The following KCNN2 variants were observed in gnomAD, a reference collection of about 807,000 sequenced individuals.
KCNN2 encodes small conductance calcium-activated potassium channel protein 2.
A neutral mutation model predicts 55.5 loss-of-function variants in KCNN2; 24 were observed. The ratio of observed to expected loss-of-function variants is 0.43; its 90% CI spans 0.31 to 0.61. KCNN2 has a LOEUF of 0.61. KCNN2 is among the 20% of genes least tolerant of loss of function. The pLI is 0.08. For missense variants in KCNN2, 754 were observed against 853.6 expected, an observed-to-expected ratio of 0.88 and a Z score of 1.45; for synonymous variants, 431 against 336.1, an observed-to-expected ratio of 1.28 and a Z score of -3.09.
chr5:114,467,196 C>G (rs1014514769), intron 4 of KCNN2, among the ~76,000 whole-genome samples: 51 of 152,060 alleles, frequency 3.4e-4, no homozygotes, highest in African/African-American at 1.2e-3. Context: ...AGAGGGTGTT[C>G]CAAAACAGCA....
Position 114,273,996 on chromosome 5 carries a change from C to T in KCNN2, c.-185+52431C>T, listed in dbSNP as rs202025702. On this transcript the variant is annotated intron_variant, in intron 2 of 10. Coordinates refer to the KCNN2 transcript ENST00000512097. Reference sequence around the variant, plus strand: ...AGAACTTATGTTTAAGTCTTTAATCCATCTTGAGTTAATTTTTGTATAAGG... The same window carrying T: ...AGAACTTATGTTTAAGTCTTTAATCTATCTTGAGTTAATTTTTGTATAAGG... Among the ~76,000 whole-genome samples the T allele has an allele frequency of 6.6e-5, 10 of 152,088 alleles. No individual in the cohort carries two copies. The East Asian group carries it at 1.9e-3, about 29-fold the overall frequency.
At chr5:114,261,769 A>G (rs1755113667) in intron 2 of KCNN2, among the ~76,000 whole-genome samples, 1 of 152,226 alleles carries the variant, frequency 6.6e-6, no homozygotes, top group Non-Finnish European at 1.5e-5. Context: ...GTTAGTTCGC[A>G]GAAAGTTCTC....
chr5:114,182,216 C>T (rs1252956568), intron 1 of KCNN2, among the ~76,000 whole-genome samples: 1 of 151,900 alleles, frequency 6.6e-6, no homozygotes, highest in African/African-American at 2.4e-5. Flanking sequence ...CTAGTAGAAA[C>T]TTCTGAGTTT....
intron 2 of KCNN2, among the ~76,000 whole-genome samples, chr5:114,351,565 ATAT>A (rs2150040386): frequency 6.6e-6 from 1 of 151,872 alleles, no homozygotes; most frequent in South Asian, 2.1e-4. Flanking sequence ...AGTAAGTATG[ATAT>A]TAGTAGTAGA....
chr5:114,267,025 C>A (rs1270975149), intron 2 of KCNN2, among the ~76,000 whole-genome samples: 6 of 143,738 alleles, frequency 4.2e-5, no homozygotes, highest in Non-Finnish European at 9.0e-5. Context: ...GAGACGAAGT[C>A]TCCCTCTCTC....
intron 2 of KCNN2, among the ~76,000 whole-genome samples, chr5:114,238,812 G>A (rs1455754869): frequency 6.6e-6 from 1 of 152,042 alleles, no homozygotes; most frequent in Non-Finnish European, 1.5e-5. Flanking sequence ...AAATGCAAAG[G>A]CCCTTTTCTC....
At chr5:114,161,535 T>C (rs190038011) in intron 1 of KCNN2, among the ~76,000 whole-genome samples, 7 of 151,996 alleles carry the variant, frequency 4.6e-5, no homozygotes, top group Admixed American at 2.0e-4. Context: ...TTTCCTGAAT[T>C]TGAATGTTGG....
chr5:114,434,259 A>G (rs946545667), intron 3 of KCNN2, among the ~76,000 whole-genome samples: 1 of 151,832 alleles, frequency 6.6e-6, no homozygotes, highest in African/African-American at 2.4e-5. Flanking sequence ...TAAACAGTCT[A>G]CTACTCATAA....
At chr5:114,188,458 T>C (rs1753383402) in intron 1 of KCNN2, among the ~76,000 whole-genome samples, 1 of 152,132 alleles carries the variant, frequency 6.6e-6, no homozygotes, top group African/African-American at 2.4e-5. Context: ...AAAATATTAA[T>C]AGAAGTCTTA....
At position 114,299,697 on chromosome 5, in the gene KCNN2, C is replaced by A. The variant is rs77993625; in HGVS notation, c.-184-61248C>A. On this transcript the variant is annotated intron_variant, in intron 2 of 10. Coordinates refer to the KCNN2 transcript ENST00000512097. ...ACCACTGCTTATAGCTCTAGTCTCA[C>A]CCAGTGCCTCCAGCCATGTGGTCCT... 1.2e-3 allele frequency among the ~76,000 whole-genome samples: 176 copies of A among 152,334 alleles called. 1 individual carries two copies. The East Asian group carries it at 0.025, about 22-fold the overall frequency.
chr5:114,395,204 C>A (rs1277119943), intron 2 of KCNN2, among the ~76,000 whole-genome samples: 1 of 152,122 alleles, frequency 6.6e-6, no homozygotes, highest in East Asian at 1.9e-4. Context: ...GTGGGCAGGC[C>A]CCTCCTGCTA....
intron 2 of KCNN2, among the ~76,000 whole-genome samples, chr5:114,375,343 G>A (rs1476641582): frequency 1.3e-5 from 2 of 152,086 alleles, no homozygotes; most frequent in Non-Finnish European, 2.9e-5. Flanking sequence ...GTAATCTGAT[G>A]CTTTTTCAAA....
At chr5:114,296,234 G>A (rs1172555766) in intron 2 of KCNN2, among the ~76,000 whole-genome samples, 1 of 152,138 alleles carries the variant, frequency 6.6e-6, no homozygotes, top group African/African-American at 2.4e-5. Flanking sequence ...ACCTCTTATA[G>A]CCTATCAGAA....
upstream of KCNN2, among the ~76,000 whole-genome samples, chr5:114,358,849 T>C (rs1459541639): frequency 6.6e-6 from 1 of 152,260 alleles, no homozygotes; most frequent in African/African-American, 2.4e-5. Context: ...ATGCACATTT[T>C]AAATGTCTAC....
intron 1 of KCNN2, among the ~76,000 whole-genome samples, chr5:114,165,508 A>C (rs1211454381): frequency 6.6e-6 from 1 of 152,184 alleles, no homozygotes; most frequent in Admixed American, 6.5e-5. Flanking sequence ...AAGGCATAAC[A>C]TCCAAGTGAC....
intron 2 of KCNN2, among the ~76,000 whole-genome samples, chr5:114,295,843 C>G (rs1014328001): frequency 6.6e-6 from 1 of 152,092 alleles, no homozygotes; most frequent in African/African-American, 2.4e-5. Context: ...GCCATCTTGG[C>G]TCCACCACAA....
At chr5:114,329,322 AG>A (rs1256178428) in intron 2 of KCNN2, among the ~76,000 whole-genome samples, 1 of 152,182 alleles carries the variant, frequency 6.6e-6, no homozygotes, top group African/African-American at 2.4e-5. Context: ...TTAACATTTG[AG>A]TCAGTGGACT....
chr5:114,139,069 G>A (rs1752223953), intron 1 of KCNN2, among the ~76,000 whole-genome samples: 4 of 152,064 alleles, frequency 2.6e-5, no homozygotes, highest in East Asian at 1.9e-4. Flanking sequence ...TTGGGCTGCC[G>A]TATTATTACT....
intron 2 of KCNN2, among the ~76,000 whole-genome samples, chr5:114,397,590 T>C (rs1758657853): frequency 6.6e-6 from 1 of 152,190 alleles, no homozygotes; most frequent in Non-Finnish European, 1.5e-5. Context: ...TTTCACCATA[T>C]TGGCCAGGCT....
Sources: gnomAD v4.1 joint callset for allele counts (sites outside exome capture counted in the v4.1 genomes callset) on GRCh38, gnomAD v4.1.1 for gene constraint, MANE v1.5 for transcripts, NCBI Gene and HGNC (gene_info 2026-07-23, HGNC 2026-07-21) for gene names.